DPP6: variants seen among roughly 807,000 people sequenced by gnomAD.
The protein encoded by DPP6 is A-type potassium channel modulatory protein DPP6.
Under a neutral mutation model 122.6 loss-of-function variants are expected in DPP6, and 69 were observed. That is an observed-to-expected ratio of 0.56 (90% CI 0.46 to 0.69). The LOEUF (loss-of-function observed/expected upper bound fraction) is 0.69. DPP6 is among the 30% of genes least tolerant of loss of function. The pLI is 0.00. For synonymous variants in DPP6, 418 were observed against 433.1 expected (o/e 0.97, Z 0.43); for missense variants, 928 against 1,116.9 (o/e 0.83, Z 2.41).
At chr7:154,638,163 G>A (rs1031603340) in intron 6 of DPP6, among the ~76,000 whole-genome samples, 1 of 152,104 alleles carries the variant, frequency 6.6e-6, no homozygotes, top group Non-Finnish European at 1.5e-5. Flanking sequence ...CTTCAGAGCC[G>A]GACATTCCCC....
At chr7:154,641,526 T>A (rs888333302) in intron 6 of DPP6, among the ~76,000 whole-genome samples, 2 of 152,198 alleles carry the variant, frequency 1.3e-5, no homozygotes, top group East Asian at 1.9e-4. Flanking sequence ...TGGCATGACT[T>A]CTTTTTCTAG....
intron 5 of DPP6, among the ~76,000 whole-genome samples, chr7:154,595,123 G>A (rs1009702009): frequency 8.5e-5 from 13 of 152,078 alleles, no homozygotes; most frequent in East Asian, 1.9e-4. Context: ...GCTGTTGAAC[G>A]CCTGTGTCTG....
chr7:154,343,561 G>T (rs1239131257), intron 1 of DPP6, among the ~76,000 whole-genome samples: 1 of 152,194 alleles, frequency 6.6e-6, no homozygotes, highest in Non-Finnish European at 1.5e-5. Flanking sequence ...ATGGCACTCT[G>T]CTTCACTTTT....
chr7:153,826,625 T>A, the DPP6 span, among the ~76,000 whole-genome samples: 1 of 152,178 alleles, frequency 6.6e-6, no homozygotes, highest in Non-Finnish European at 1.5e-5. Context: ...TTAATTTGGG[T>A]TCTACATTTG....
At chr7:153,806,541 C>CATTTTTCA in the DPP6 span, among the ~76,000 whole-genome samples, 1 of 151,542 alleles carries the variant, frequency 6.6e-6, no homozygotes, top group Admixed American at 6.6e-5. Flanking sequence ...GATGAGATTT[C>CATTTTTCA]ATATATACAT....
At chr7:154,064,756 G>A (rs1314504194) in intron 1 of DPP6, among the ~76,000 whole-genome samples, 1 of 152,162 alleles carries the variant, frequency 6.6e-6, no homozygotes, top group Non-Finnish European at 1.5e-5. Flanking sequence ...ACAGAGGCAT[G>A]CTCTCTCCCA....
chr7:154,869,660 A>G (rs2140897), intron 18 of DPP6, among the ~76,000 whole-genome samples: 11,704 of 152,040 alleles, frequency 0.077, 1,469 homozygotes, highest in African/African-American at 0.26. Context: ...AGGGACCCTC[A>G]CTCGCCTGTG....
At chr7:154,148,707 T>G (rs1412970185) in intron 1 of DPP6, among the ~76,000 whole-genome samples, 1 of 152,306 alleles carries the variant, frequency 6.6e-6, no homozygotes, top group Non-Finnish European at 1.5e-5. Context: ...TCAAATGTCA[T>G]TAAAGGAGAC....
intron 5 of DPP6, among the ~76,000 whole-genome samples, chr7:154,585,306 T>C (rs1832366476): frequency 6.6e-6 from 1 of 152,224 alleles, no homozygotes; most frequent in South Asian, 2.1e-4. Flanking sequence ...AATACTAGGA[T>C]AGACTATGGA....
intron 3 of DPP6, among the ~76,000 whole-genome samples, chr7:154,490,365 T>C (rs28615804): frequency 0.095 from 14,469 of 152,220 alleles, 2,079 homozygotes; most frequent in African/African-American, 0.31. Flanking sequence ...AGCCCGTGGC[T>C]ACATCCAAAG....
chr7:154,405,081 A>G (rs773649042), intron 1 of DPP6, among the ~76,000 whole-genome samples: 38 of 152,262 alleles, frequency 2.5e-4, no homozygotes, highest in Non-Finnish European at 5.1e-4. Flanking sequence ...ATGTATGTGT[A>G]CATTTCTATG....
intron 1 of DPP6, among the ~76,000 whole-genome samples, chr7:154,191,157 C>T (rs1233948909): frequency 2.6e-5 from 4 of 152,138 alleles, no homozygotes; most frequent in African/African-American, 9.7e-5. Flanking sequence ...ACTGCTGATG[C>T]CATTTTCTGC....
chr7:154,229,106 T>C (rs1585684212), intron 1 of DPP6, among the ~76,000 whole-genome samples: 1 of 152,136 alleles, frequency 6.6e-6, no homozygotes, highest in Admixed American at 6.5e-5. Context: ...TTTGGCTCTC[T>C]CATAATAACA....
At chr7:154,526,130 C>G (rs1248907020) in intron 3 of DPP6, among the ~76,000 whole-genome samples, 6 of 152,126 alleles carry the variant, frequency 3.9e-5, no homozygotes, top group African/African-American at 1.4e-4. Flanking sequence ...AGCCTGCATT[C>G]TTTTTTAAGG....
the DPP6 span, among the ~76,000 whole-genome samples, chr7:153,850,446 A>G: frequency 1.3e-5 from 2 of 152,214 alleles, no homozygotes; most frequent in Non-Finnish European, 2.9e-5. Flanking sequence ...GACTAATGCT[A>G]CAACTTCATG....
chr7:154,267,424 A>G (rs970415303), intron 1 of DPP6, among the ~76,000 whole-genome samples: 4 of 148,856 alleles, frequency 2.7e-5, no homozygotes, highest in Non-Finnish European at 5.9e-5. Flanking sequence ...ATACACATAT[A>G]CATATACATG....
intron 1 of DPP6, among the ~76,000 whole-genome samples, chr7:154,324,094 T>C (rs1808209390): frequency 6.6e-6 from 1 of 152,106 alleles, no homozygotes; most frequent in African/African-American, 2.4e-5. Flanking sequence ...GAGGACATAG[T>C]GGGTGGGGTT....
chr7:154,497,814 A>G (rs527949595), intron 3 of DPP6, among the ~76,000 whole-genome samples: 6 of 152,250 alleles, frequency 3.9e-5, no homozygotes, highest in African/African-American at 1.4e-4. Flanking sequence ...GTCAATATTT[A>G]TCTTCTAGGA....
At chr7:154,496,698 G>A (rs895639864) in intron 3 of DPP6, among the ~76,000 whole-genome samples, 1 of 152,222 alleles carries the variant, frequency 6.6e-6, no homozygotes, top group African/African-American at 2.4e-5. Flanking sequence ...CCAGCCTGCT[G>A]TGGAACAAAG....
Sources: gnomAD v4.1 joint callset for allele counts (sites outside exome capture counted in the v4.1 genomes callset) on GRCh38, gnomAD v4.1.1 for gene constraint, MANE v1.5 for transcripts, NCBI Gene and HGNC (gene_info 2026-07-23, HGNC 2026-07-21) for gene names.